ADAMTS12: variants seen among roughly 807,000 people sequenced by gnomAD.
ADAMTS12 encodes ADAM metallopeptidase with thrombospondin type 1 motif 12.
Under a neutral mutation model 167.8 loss-of-function variants are expected in ADAMTS12, and 118 were observed. The ratio of observed to expected loss-of-function variants is 0.70; its 90% CI spans 0.61 to 0.82. The LOEUF (loss-of-function observed/expected upper bound fraction) is 0.82. ADAMTS12 is among the 40% of genes least tolerant of loss of function. ADAMTS12 has a pLI of 0.00. For synonymous variants in ADAMTS12, 704 were observed against 716.9 expected, an observed-to-expected ratio of 0.98 and a Z score of 0.29; for missense variants, 1,916 against 1,998.8, an observed-to-expected ratio of 0.96 and a Z score of 0.79.
intron 3 of ADAMTS12, among the ~76,000 whole-genome samples, chr5:33,688,980 C>T (rs1286635575): frequency 6.6e-6 from 1 of 152,158 alleles, no homozygotes; most frequent in Non-Finnish European, 1.5e-5. Flanking sequence ...TGATCTTCTC[C>T]AGCCTACACT....
intron 3 of ADAMTS12, among the ~76,000 whole-genome samples, chr5:33,713,031 C>G (rs1010361779): frequency 6.6e-6 from 1 of 152,096 alleles, no homozygotes; most frequent in Non-Finnish European, 1.5e-5. Context: ...ACATACTGGA[C>G]AAACTCCACA....
chr5:33,772,977 C>A (rs547989044), intron 2 of ADAMTS12, among the ~76,000 whole-genome samples: 1 of 152,154 alleles, frequency 6.6e-6, no homozygotes, highest in African/African-American at 2.4e-5. Flanking sequence ...TTGTGATCTG[C>A]GTCTTGGAGA....
intron 3 of ADAMTS12, among the ~76,000 whole-genome samples, chr5:33,698,815 C>T (rs1192353031): frequency 6.6e-6 from 1 of 151,230 alleles, no homozygotes; most frequent in Non-Finnish European, 1.5e-5. Context: ...GTGCATACTG[C>T]TAACTCTCTT....
intron 3 of ADAMTS12, among the ~76,000 whole-genome samples, chr5:33,688,265 C>A (rs189089544): frequency 1.1e-4 from 17 of 152,310 alleles, no homozygotes; most frequent in African/African-American, 3.6e-4. Flanking sequence ...ATTCTCCCCA[C>A]TGAGACCATG....
At chr5:33,611,218 TA>T (rs1464942464) in intron 16 of ADAMTS12, among the ~76,000 whole-genome samples, 1 of 152,176 alleles carries the variant, frequency 6.6e-6, no homozygotes, top group Non-Finnish European at 1.5e-5. Flanking sequence ...ATATGCATAG[TA>T]AAAGTATTTA....
At chr5:33,696,851 G>T (rs1252727533) in intron 3 of ADAMTS12, among the ~76,000 whole-genome samples, 1 of 152,170 alleles carries the variant, frequency 6.6e-6, no homozygotes, top group Non-Finnish European at 1.5e-5. Flanking sequence ...CTGCCCTCTT[G>T]AAGCTATTAT....
At chr5:33,678,608 C>T (rs1472915191) in intron 5 of ADAMTS12, among the ~76,000 whole-genome samples, 1 of 152,144 alleles carries the variant, frequency 6.6e-6, no homozygotes, top group Non-Finnish European at 1.5e-5. Context: ...CAGGCAACAA[C>T]AAGACCAGAG....
chr5:33,795,385 G>A (rs1746736394), intron 2 of ADAMTS12, among the ~76,000 whole-genome samples: 1 of 152,152 alleles, frequency 6.6e-6, no homozygotes, highest in Non-Finnish European at 1.5e-5. Flanking sequence ...GCCCCACGAT[G>A]TAGTGCACTA....
intron 3 of ADAMTS12, among the ~76,000 whole-genome samples, chr5:33,737,818 G>A (rs1158137838): frequency 6.6e-6 from 1 of 152,208 alleles, no homozygotes; most frequent in African/African-American, 2.4e-5. Context: ...ATTTTCAGGG[G>A]GCTGTGGAAT....
chr5:33,626,479 G>A (rs551576334), intron 13 of ADAMTS12, among the ~76,000 whole-genome samples: 5 of 151,044 alleles, frequency 3.3e-5, no homozygotes, highest in African/African-American at 9.8e-5. Context: ...TGGTGATGTG[G>A]TAGTGGTGGT....
chr5:33,862,228 A>G (rs146545585), intron 2 of ADAMTS12, among the ~76,000 whole-genome samples: 1,716 of 152,348 alleles, frequency 0.011, 34 homozygotes, highest in African/African-American at 0.039. Flanking sequence ...CAAAAAATCA[A>G]TGAATCCAGG....
chr5:33,728,130 T>C (rs1449957325), intron 3 of ADAMTS12, among the ~76,000 whole-genome samples: 1 of 152,198 alleles, frequency 6.6e-6, no homozygotes, highest in East Asian at 1.9e-4. Flanking sequence ...ATCCTCATCT[T>C]CCTTCCAGAG....
chr5:33,805,747 G>A (rs893124868), intron 2 of ADAMTS12, among the ~76,000 whole-genome samples: 7 of 152,158 alleles, frequency 4.6e-5, no homozygotes, highest in African/African-American at 1.7e-4. Flanking sequence ...AAAAAGGGCT[G>A]GGTGCAGTGG....
chr5:33,545,385 A>T lies in ADAMTS12; in HGVS notation c.4446+674T>A, dbSNP rs145110418. Among the ~76,000 whole-genome samples, 434 of 152,346 alleles carry T rather than the reference A, an allele frequency of 2.8e-3. 4 individuals are homozygous for T. Among genetic ancestry groups the T allele is most frequent in the African/African-American group, 9.9e-3 (412 of 41,586 alleles). On this transcript the variant is annotated intron_variant, in intron 22 of 23. Coordinates refer to ENST00000504830, the MANE Select transcript of ADAMTS12 (RefSeq NM_030955.4). Reference sequence around the variant, plus strand: ...AACAGATGCTGGAGAAGATTTGGAGAAATAGGAATGCTTTTACGCTGTTGG... The same window carrying T: ...AACAGATGCTGGAGAAGATTTGGAGTAATAGGAATGCTTTTACGCTGTTGG...
intron 2 of ADAMTS12, among the ~76,000 whole-genome samples, chr5:33,797,904 G>A (rs1464959905): frequency 1.3e-5 from 2 of 152,104 alleles, no homozygotes; most frequent in East Asian, 3.8e-4. Context: ...ATTTTCTAAT[G>A]TCTGTAGCAA....
intron 5 of ADAMTS12, among the ~76,000 whole-genome samples, chr5:33,681,800 T>C (rs1742129651): frequency 6.6e-6 from 1 of 151,998 alleles, no homozygotes; most frequent in African/African-American, 2.4e-5. Flanking sequence ...CACAAGTGCA[T>C]AGACAGTGAG....
At chr5:33,750,358 C>A (rs539314919) in intron 3 of ADAMTS12, among the ~76,000 whole-genome samples, 3 of 152,236 alleles carry the variant, frequency 2.0e-5, no homozygotes, top group African/African-American at 7.2e-5. Context: ...AGATGATAGA[C>A]GAAACTCCCA....
chr5:33,822,241 G>A (rs1324523106), intron 2 of ADAMTS12, among the ~76,000 whole-genome samples: 1 of 152,060 alleles, frequency 6.6e-6, no homozygotes, highest in Admixed American at 6.6e-5. Context: ...AAAGCCACAT[G>A]ATGCTCCATT....
At chr5:33,681,382 C>T (rs188356664) in intron 5 of ADAMTS12, among the ~76,000 whole-genome samples, 27 of 152,330 alleles carry the variant, frequency 1.8e-4, no homozygotes, top group African/African-American at 6.3e-4. Flanking sequence ...CCGTTCTTTA[C>T]ATATCCTAGC....
Sources: allele counts gnomAD v4.1 joint callset (sites outside exome capture counted in the v4.1 genomes callset), GRCh38; gene constraint gnomAD v4.1.1; transcripts MANE v1.5; gene names NCBI Gene and HGNC (gene_info 2026-07-23, HGNC 2026-07-21).